Variants in ANTXR1 observed in about 807,000 individuals in gnomAD.
The protein encoded by ANTXR1 is ANTXR cell adhesion molecule 1, also known as anthrax toxin receptor 1.
In ANTXR1, 19 loss-of-function variants were observed where a neutral mutation model predicts 78.1. That is an observed-to-expected ratio of 0.24 (90% CI 0.17 to 0.36). ANTXR1 has a LOEUF of 0.36. Ranked by LOEUF, ANTXR1 falls within the 10% of genes least tolerant of loss-of-function variation. The probability of loss-of-function intolerance (pLI) is 1.00; values close to 1 mark genes in which losing one functional copy is unlikely to be tolerated. For synonymous variants in ANTXR1, 273 were observed against 260.5 expected (o/e 1.05, Z -0.46); for missense variants, 518 against 718.6 (o/e 0.72, Z 3.19).
intron 13 of ANTXR1, among the ~76,000 whole-genome samples, chr2:69,168,707 T>C (rs1673897278): frequency 3.9e-5 from 6 of 152,182 alleles, no homozygotes; most frequent in Admixed American, 3.9e-4. Flanking sequence ...GCTTCTGGGA[T>C]GATGGGAAAT....
chr2:69,225,954 C>T (rs767411829), intron 17 of ANTXR1, among the ~76,000 whole-genome samples: 9 of 152,284 alleles, frequency 5.9e-5, no homozygotes, highest in Middle Eastern at 3.4e-3. Context: ...TACTATTGGG[C>T]TTTTTGCTTA....
At position 69,040,128 on chromosome 2, in the gene ANTXR1, A is replaced by G. The variant is rs897574890; in HGVS notation, c.224+13A>G. On this transcript the variant is annotated intron_variant, in intron 2 of 17. Transcript: ENST00000303714. The stretch of plus-strand genomic sequence containing the variant: ...ACAAATTCATCAGGTGAGAAACACT[A>G]TGCATTTTGTTCACTTGTAGTTCTC... 6 of 1,610,874 alleles carry G rather than the reference A, an allele frequency of 3.7e-6. No individual in the cohort carries two copies. The highest frequency in any genetic ancestry group is 1.3e-5 in the African/African-American group (1 of 74,850).
At chr2:69,151,457 G>A (rs1295618381) in intron 12 of ANTXR1, among the ~76,000 whole-genome samples, 1 of 152,006 alleles carries the variant, frequency 6.6e-6, no homozygotes, top group African/African-American at 2.4e-5. Context: ...GACACCAAGT[G>A]GGGTCTCTGT....
intron 12 of ANTXR1, among the ~76,000 whole-genome samples, chr2:69,148,429 GAAC>G (rs1229935302): frequency 6.6e-6 from 1 of 152,218 alleles, no homozygotes; most frequent in African/African-American, 2.4e-5. Flanking sequence ...TACTTGCTGA[GAAC>G]AATAGCCCGC....
At chr2:69,076,171 C>T (rs1370517303) in intron 7 of ANTXR1, among the ~76,000 whole-genome samples, 1 of 152,032 alleles carries the variant, frequency 6.6e-6, no homozygotes, top group Non-Finnish European at 1.5e-5. Flanking sequence ...AAGATAAAGC[C>T]TCACTGTATT....
intron 9 of ANTXR1, among the ~76,000 whole-genome samples, chr2:69,096,771 T>C (rs1671444610): frequency 6.6e-6 from 1 of 152,256 alleles, no homozygotes; most frequent in African/African-American, 2.4e-5. Flanking sequence ...TGAACCTGTA[T>C]TTATTACAAG....
chr2:69,214,439 T>G (rs2104502400), intron 17 of ANTXR1, among the ~76,000 whole-genome samples: 1 of 152,318 alleles, frequency 6.6e-6, no homozygotes, highest in South Asian at 2.1e-4. Context: ...CAGTGTATTC[T>G]TAGGCTATAA....
intron 17 of ANTXR1, among the ~76,000 whole-genome samples, chr2:69,223,503 C>T (rs1675371006): frequency 6.6e-6 from 1 of 152,166 alleles, no homozygotes; most frequent in African/African-American, 2.4e-5. Context: ...AAGGATAGCA[C>T]TCAGTAGATG....
chr2:69,037,634 T>A (rs1205275753), intron 1 of ANTXR1, among the ~76,000 whole-genome samples: 1 of 152,026 alleles, frequency 6.6e-6, no homozygotes, highest in Non-Finnish European at 1.5e-5. Context: ...CATGCCCGGC[T>A]AATTTTTGTA....
intron 7 of ANTXR1, among the ~76,000 whole-genome samples, chr2:69,076,236 T>A (rs767651979): frequency 2.0e-5 from 3 of 152,162 alleles, no homozygotes; most frequent in Non-Finnish European, 4.4e-5. Context: ...CATGGCCTCC[T>A]AAAGTGTTGA....
At chr2:69,178,312 C>G (rs998554551) in intron 14 of ANTXR1, among the ~76,000 whole-genome samples, 2 of 152,248 alleles carry the variant, frequency 1.3e-5, no homozygotes, top group Non-Finnish European at 2.9e-5. Flanking sequence ...CTCTGACTCT[C>G]CCGTCCGTCA....
At chr2:69,135,754 A>G (rs2104405705) in intron 12 of ANTXR1, among the ~76,000 whole-genome samples, 1 of 152,270 alleles carries the variant, frequency 6.6e-6, no homozygotes, top group Admixed American at 6.5e-5. Flanking sequence ...ATAGAATTGC[A>G]AAGAGAAATT....
At chr2:69,028,977 A>G (rs868347086) in intron 1 of ANTXR1, among the ~76,000 whole-genome samples, 17 of 152,104 alleles carry the variant, frequency 1.1e-4, no homozygotes, top group Middle Eastern at 3.4e-3. Flanking sequence ...AGCACTTTGG[A>G]AGGCCAAGAC....
Position 69,040,088 on chromosome 2 carries a change from T to C in ANTXR1, c.197T>C (p.Val66Ala), listed in dbSNP as rs760082715. 2 of 1,613,472 alleles carry C rather than the reference T, an allele frequency of 1.2e-6. No homozygotes were observed. Among genetic ancestry groups the C allele is most frequent in the Non-Finnish European group, 1.7e-6 (2 of 1,179,540 alleles). ...LHHWNEIYYF[V>A]EQLAHKFISP... is the part of the protein sequence containing the mutation. ...CACTGGAATGAAATCTATTACTTTG[T>C]GGAACAGTTGGCTCACAAATTCATC... Residue 66 changes from valine to alanine, a missense_variant, in exon 2 of 18, where the codon GTG (valine) becomes GCG (alanine). Val to Ala is a moderately conservative substitution (Grantham distance 64). This residue lies in a region of ANTXR1 where 264 missense variants were observed against 391.8 expected (regional missense o/e 0.67). Transcript: ENST00000303714.
In ANTXR1 at chr2:69,094,163, C is replaced by T. The variant is rs1293752007; in HGVS notation, c.703+3244C>T. ...TGTCAGATAGAGCGAGGCGTAGCCC[C>T]TCTGTGACTTTCATTAAGCTAGTTC... On this transcript the variant is annotated intron_variant, in intron 9 of 17. Transcript: ENST00000303714. Among the ~76,000 whole-genome samples the T allele has an allele frequency of 7.2e-5, 11 of 152,318 alleles. 1 individual carries two copies. Among genetic ancestry groups the T allele is most frequent in the Middle Eastern group, 3.4e-3 (1 of 294 alleles).
At chr2:69,138,344 A>G (rs1672975010) in intron 12 of ANTXR1, among the ~76,000 whole-genome samples, 1 of 152,230 alleles carries the variant, frequency 6.6e-6, no homozygotes, top group South Asian at 2.1e-4. Flanking sequence ...ATGACCCACC[A>G]GGATCATATT....
intron 3 of ANTXR1, among the ~76,000 whole-genome samples, chr2:69,053,389 C>T (rs1399068879): frequency 6.6e-6 from 1 of 151,270 alleles, no homozygotes. Flanking sequence ...GGTGTAGATG[C>T]TGGATTATTG....
intron 10 of ANTXR1, among the ~76,000 whole-genome samples, chr2:69,114,011 G>A (rs140325500): frequency 5.3e-5 from 8 of 152,296 alleles, no homozygotes; most frequent in South Asian, 2.1e-4. Flanking sequence ...TTGCAAGAAC[G>A]CTGAACCCCA....
At chr2:69,075,772 A>G (rs567435450) in intron 7 of ANTXR1, 114 bp downstream of exon 7, 1 of 979,906 alleles carries the variant, frequency 1.0e-6, no homozygotes. Flanking sequence ...GAAATAGGTT[A>G]TTTTTCTAGA....
Sources: gnomAD v4.1 joint callset for allele counts (sites outside exome capture counted in the v4.1 genomes callset) on GRCh38, gnomAD v4.1.1 for gene constraint, gnomAD v4.1.1 regional missense constraint, MANE v1.5 for transcripts, NCBI Gene and HGNC (gene_info 2026-07-23, HGNC 2026-07-21) for gene names.